The following PCDH15 variants were observed in gnomAD, a reference collection of about 807,000 sequenced individuals.
PCDH15 encodes protocadherin-15.
A neutral mutation model predicts 178.5 loss-of-function variants in PCDH15; 129 were observed. That is an observed-to-expected ratio of 0.72 (90% CI 0.63 to 0.84). The LOEUF is 0.84. Among genes scored for constraint, PCDH15 ranks in the 40% least tolerant of loss-of-function variants. PCDH15 has a pLI of 0.00. For missense variants in PCDH15, 2,230 were observed against 2,099.9 expected, an observed-to-expected ratio of 1.06 and a Z score of -1.21; for synonymous variants, 800 against 732.0, an observed-to-expected ratio of 1.09 and a Z score of -1.50.
intron 16 of PCDH15, among the ~76,000 whole-genome samples, chr10:54,084,440 T>C (rs2094485820): frequency 6.6e-6 from 1 of 151,256 alleles, no homozygotes; most frequent in Non-Finnish European, 1.5e-5. Flanking sequence ...ACCACAGCTC[T>C]CCAGTCTGGG....
At chr10:53,883,491 C>A (rs1448825242) in intron 26 of PCDH15, among the ~76,000 whole-genome samples, 1 of 152,016 alleles carries the variant, frequency 6.6e-6, no homozygotes, top group African/African-American at 2.4e-5. Flanking sequence ...GGCTGATACT[C>A]GGTAGACTGC....
intron 2 of PCDH15, among the ~76,000 whole-genome samples, chr10:55,142,638 C>T (rs1838387228): frequency 9.5e-6 from 1 of 105,262 alleles, no homozygotes; most frequent in Admixed American, 8.8e-5. Context: ...ATTTGTACTC[C>T]TATGTAGATA....
chr10:55,284,915 C>T (rs1248609120), intron 1 of PCDH15, among the ~76,000 whole-genome samples: 2 of 151,402 alleles, frequency 1.3e-5, no homozygotes, highest in South Asian at 4.2e-4. Context: ...GAATCAGAGT[C>T]TAGATAAAGA....
chr10:53,883,210 GTA>G (rs2080858006), intron 26 of PCDH15, among the ~76,000 whole-genome samples: 1 of 151,800 alleles, frequency 6.6e-6, no homozygotes, highest in African/African-American at 2.4e-5. Context: ...ATTCATATAT[GTA>G]TATGTGTGTG....
intron 2 of PCDH15, among the ~76,000 whole-genome samples, chr10:55,136,938 C>T (rs1198242816): frequency 6.6e-6 from 1 of 152,018 alleles, no homozygotes; most frequent in Non-Finnish European, 1.5e-5. Flanking sequence ...AAAATATCAG[C>T]AGGATTGTGA....
chr10:55,461,587 C>A (rs1382629885), intron 2 of PCDH15, among the ~76,000 whole-genome samples: 5 of 151,918 alleles, frequency 3.3e-5, no homozygotes, highest in Admixed American at 6.6e-5. Flanking sequence ...ATAATAAAAC[C>A]ATTCATAGTT....
chr10:54,359,063 T>C (rs1360367038), intron 5 of PCDH15, among the ~76,000 whole-genome samples: 1 of 149,918 alleles, frequency 6.7e-6, no homozygotes, highest in South Asian at 2.2e-4. Flanking sequence ...TAATGCTAAA[T>C]GACGAGTTAA....
rs75212610 is a variant in PCDH15 at position 55,284,085 on chromosome 10, T to A, written c.-156+35514A>T. The stretch of plus-strand genomic sequence containing the variant: ...AGATATTGCAATGGATGCTTTGGTT[T>A]TCATAAAATTCCACACAAATCCCAC... On this transcript the variant is annotated intron_variant, in intron 1 of 5. Coordinates refer to the PCDH15 transcript ENST00000458638. Among the ~76,000 whole-genome samples, 413 of 149,552 alleles carry A rather than the reference T, an allele frequency of 2.8e-3. 3 individuals are homozygous for A. The highest frequency in any genetic ancestry group is 9.9e-3 in the African/African-American group (385 of 39,072).
chr10:55,030,186 T>C (rs1297672538), intron 2 of PCDH15, among the ~76,000 whole-genome samples: 2 of 152,074 alleles, frequency 1.3e-5, no homozygotes, highest in African/African-American at 2.4e-5. Flanking sequence ...AAATTAGAAG[T>C]TGGGTGCCAA....
At chr10:54,908,019 A>G (rs1216064230) in intron 2 of PCDH15, among the ~76,000 whole-genome samples, 1 of 152,162 alleles carries the variant, frequency 6.6e-6, no homozygotes, top group Non-Finnish European at 1.5e-5. Flanking sequence ...AGAAACACAC[A>G]GGCTACAGAG....
chr10:54,344,549 T>C (rs1402621842), intron 6 of PCDH15, among the ~76,000 whole-genome samples: 2 of 152,150 alleles, frequency 1.3e-5, no homozygotes, highest in African/African-American at 4.8e-5. Context: ...CATGGACTAG[T>C]CATTTGATAC....
intron 1 of PCDH15, among the ~76,000 whole-genome samples, chr10:55,316,281 T>G (rs1366252655): frequency 6.6e-6 from 1 of 152,118 alleles, no homozygotes; most frequent in Non-Finnish European, 1.5e-5. Flanking sequence ...AACTTACAGC[T>G]TGACAAGACA....
chr10:54,893,050 G>T (rs1954488828), intron 3 of PCDH15, among the ~76,000 whole-genome samples: 1 of 152,018 alleles, frequency 6.6e-6, no homozygotes, highest in Admixed American at 6.6e-5. Context: ...ATCATCCAAA[G>T]ATATTGGAAT....
chr10:55,084,682 A>G (rs1842122502), intron 2 of PCDH15, among the ~76,000 whole-genome samples: 1 of 152,012 alleles, frequency 6.6e-6, no homozygotes, highest in Non-Finnish European at 1.5e-5. Context: ...CCATCTAACA[A>G]GGGATTAATA....
At chr10:54,607,321 T>C (rs113590148) in intron 2 of PCDH15, among the ~76,000 whole-genome samples, 2,064 of 152,218 alleles carry the variant, frequency 0.014, 42 homozygotes, top group African/African-American at 0.046. Context: ...ATATAAAATC[T>C]TCTAAATTTA....
intron 26 of PCDH15, among the ~76,000 whole-genome samples, chr10:53,872,044 C>G (rs1161801119): frequency 1.3e-5 from 2 of 152,114 alleles, no homozygotes; most frequent in Non-Finnish European, 2.9e-5. Flanking sequence ...TTTGCAAAAC[C>G]TCTTCCTCAG....
chr10:54,388,477 G>C (rs1338704645), intron 3 of PCDH15, among the ~76,000 whole-genome samples: 1 of 152,114 alleles, frequency 6.6e-6, no homozygotes, highest in Non-Finnish European at 1.5e-5. Context: ...AGCTATTCAG[G>C]AGAGGGCATG....
At chr10:54,185,508 A>G (rs575218438) in intron 11 of PCDH15, among the ~76,000 whole-genome samples, 2 of 152,232 alleles carry the variant, frequency 1.3e-5, no homozygotes, top group South Asian at 4.1e-4. Flanking sequence ...CAATGTGGGA[A>G]AAAAGGAAAA....
chr10:55,592,587 G>A (rs1842864335), intron 2 of PCDH15, among the ~76,000 whole-genome samples: 1 of 152,026 alleles, frequency 6.6e-6, no homozygotes, highest in African/African-American at 2.4e-5. Flanking sequence ...CCTGTGGGGT[G>A]CCCAAATCTT....
Sources: allele counts gnomAD v4.1 joint callset (sites outside exome capture counted in the v4.1 genomes callset), GRCh38; gene constraint gnomAD v4.1.1; transcripts MANE v1.5; gene names NCBI Gene and HGNC (gene_info 2026-07-23, HGNC 2026-07-21).